The following GRM3 variants were observed in gnomAD, a reference collection of about 807,000 sequenced individuals.
The protein encoded by GRM3 is metabotropic glutamate receptor 3.
In GRM3, 26 loss-of-function variants were observed where a neutral mutation model predicts 70.5. The observed-to-expected ratio is 0.37, with a 90% CI of 0.27 to 0.51. The LOEUF (loss-of-function observed/expected upper bound fraction) is 0.51, where lower values mean the gene tolerates loss of function less well. Ranked by LOEUF, GRM3 falls within the 20% of genes least tolerant of loss-of-function variation. The pLI, the probability that GRM3 is intolerant of heterozygous loss-of-function variation, is 0.93. For synonymous variants in GRM3, 443 were observed against 434.9 expected (o/e 1.02, Z -0.23); for missense variants, 859 against 1,123.8 (o/e 0.76, Z 3.37).
At chr7:86,751,432 A>G (rs1796228497) in intron 1 of GRM3, among the ~76,000 whole-genome samples, 2 of 152,110 alleles carry the variant, frequency 1.3e-5, no homozygotes, top group South Asian at 4.1e-4. Flanking sequence ...TATCTTTAGA[A>G]CCTACCACAG....
At chr7:86,705,174 A>G (rs963087179) in intron 1 of GRM3, among the ~76,000 whole-genome samples, 3 of 151,970 alleles carry the variant, frequency 2.0e-5, no homozygotes, top group African/African-American at 4.8e-5. Context: ...AACTATTCCA[A>G]TGAGACATTC....
intron 5 of GRM3, among the ~76,000 whole-genome samples, chr7:86,851,210 T>A (rs1320911075): frequency 4.6e-5 from 7 of 152,182 alleles, no homozygotes. Context: ...TGGAAAATGC[T>A]GGAATAGATC....
At chr7:86,810,919 A>T (rs1312660696) in intron 3 of GRM3, among the ~76,000 whole-genome samples, 2 of 151,954 alleles carry the variant, frequency 1.3e-5, no homozygotes, top group Non-Finnish European at 1.5e-5. Context: ...TCACTAAATC[A>T]CCATGGATCA....
chr7:86,719,480 C>T (rs1221906847), intron 1 of GRM3, among the ~76,000 whole-genome samples: 1 of 151,906 alleles, frequency 6.6e-6, no homozygotes, highest in East Asian at 1.9e-4. Flanking sequence ...AATTATTGTG[C>T]AATGTAATAA....
intron 2 of GRM3, among the ~76,000 whole-genome samples, chr7:86,779,427 C>G (rs1011225460): frequency 2.0e-5 from 3 of 151,848 alleles, no homozygotes. Flanking sequence ...CGTGCGCACA[C>G]ACACACACAC....
chr7:86,743,316 C>G (rs1324910150), intron 1 of GRM3, among the ~76,000 whole-genome samples: 1 of 152,008 alleles, frequency 6.6e-6, no homozygotes, highest in Non-Finnish European at 1.5e-5. Flanking sequence ...AGCTATATCC[C>G]ATGATATCAC....
chr7:86,811,136 A>G (rs1387824814), intron 3 of GRM3, among the ~76,000 whole-genome samples: 2 of 151,986 alleles, frequency 1.3e-5, no homozygotes, highest in African/African-American at 4.8e-5. Flanking sequence ...AACTGAAAGC[A>G]ACTCATGTGA....
At chr7:86,763,646 T>C (rs1796532592) in intron 1 of GRM3, among the ~76,000 whole-genome samples, 1 of 152,126 alleles carries the variant, frequency 6.6e-6, no homozygotes, top group South Asian at 2.1e-4. Flanking sequence ...CAATTCACAG[T>C]AGCTACAGTC....
rs1793398555 is a variant in GRM3 at position 86,644,297 on chromosome 7, A to G, written c.-716A>G. The G allele has an allele frequency of 3.8e-6, 1 of 264,856 alleles. No individual in the cohort carries two copies. The highest frequency in any genetic ancestry group is 7.4e-6 in the Non-Finnish European group (1 of 135,436). The allele number at this position is 264,856 out of a possible 1,614,324, so 16.4% of individuals were successfully genotyped here. A position where few individuals can be genotyped will look rare whatever the true frequency, so the allele number is the denominator to read the frequency against. ...AAGACTCTGCAGATATACCCTTATA[A>G]GAGGGAGGGTGGGGGAGGGAAAAGA... On this transcript the variant is annotated 5_prime_UTR_variant, in exon 1 of 6. Transcript: ENST00000361669.
chr7:86,765,044 A>G lies in GRM3; in HGVS notation c.-102A>G. 6.7e-7 allele frequency: 1 copy of G among 1,492,912 alleles called. No individual in the cohort carries two copies. The highest frequency in any genetic ancestry group is 8.9e-7 in the Non-Finnish European group (1 of 1,129,664). 92.5% of individuals were successfully genotyped at this position (1,492,912 alleles called of 1,614,324 possible). A position where few individuals can be genotyped will look rare whatever the true frequency, so the allele number is the denominator to read the frequency against. On this transcript the variant is annotated 5_prime_UTR_variant, in exon 2 of 6. Transcript: ENST00000361669. ...GGCTCTGTTAGTCTGTTCCTCCCTT[A>G]TTTGAAGGACAGGCCAAAGATCCAG...
At chr7:86,763,525 A>G (rs1247032947) in intron 1 of GRM3, among the ~76,000 whole-genome samples, 1 of 152,152 alleles carries the variant, frequency 6.6e-6, no homozygotes, top group African/African-American at 2.4e-5. Context: ...GAGTTTTGGA[A>G]AGCTCTCTAG....
At chr7:86,785,502 C>G (rs866463274) in intron 2 of GRM3, among the ~76,000 whole-genome samples, 53 of 132,462 alleles carry the variant, frequency 4.0e-4, no homozygotes, top group Middle Eastern at 7.9e-3. Flanking sequence ...GTCCTCAATA[C>G]CTTTTAATTT....
intron 1 of GRM3, among the ~76,000 whole-genome samples, chr7:86,740,610 TAAGA>T (rs1795963916): frequency 6.6e-6 from 1 of 152,160 alleles, no homozygotes; most frequent in Non-Finnish European, 1.5e-5. Flanking sequence ...TAAAAATCCA[TAAGA>T]AATTCTCAAG....
At chr7:86,704,457 A>T (rs1237587560) in intron 1 of GRM3, among the ~76,000 whole-genome samples, 1 of 151,938 alleles carries the variant, frequency 6.6e-6, no homozygotes, top group Non-Finnish European at 1.5e-5. Context: ...TTTTACTATG[A>T]ACAAAAACAT....
rs1328282029 is a variant in GRM3, at chr7:86,725,795, T to C, written c.-140-39211T>C. Among the ~76,000 whole-genome samples the C allele has an allele frequency of 3.3e-5, 5 of 152,084 alleles. No homozygotes were observed. In the East Asian group the frequency reaches 9.6e-4, roughly 29 times the overall value. ...AAGACTGGGGAGTCCAAGAATAAGG[T>C]ACCAGCCAATTAAAGTTCTTATAAG... is the stretch of plus-strand genomic sequence containing the variant. On this transcript the variant is annotated intron_variant, in intron 1 of 5. Coordinates refer to ENST00000361669, the MANE Select transcript of GRM3 (RefSeq NM_000840.3).
intron 1 of GRM3, among the ~76,000 whole-genome samples, chr7:86,739,307 A>T (rs997749712): frequency 6.6e-6 from 1 of 152,038 alleles, no homozygotes; most frequent in African/African-American, 2.4e-5. Context: ...TATTCCTTCT[A>T]CCTAACTGAA....
intron 1 of GRM3, among the ~76,000 whole-genome samples, chr7:86,715,966 G>T (rs1795304367): frequency 6.6e-6 from 1 of 151,988 alleles, no homozygotes; most frequent in Admixed American, 6.6e-5. Context: ...CTTTAGGAAA[G>T]AACTCACCTG....
chr7:86,704,180 G>A (rs1483002423), intron 1 of GRM3, among the ~76,000 whole-genome samples: 1 of 151,840 alleles, frequency 6.6e-6, no homozygotes, highest in Non-Finnish European at 1.5e-5. Flanking sequence ...AAAAGTACTA[G>A]CGTTTTTCTC....
chr7:86,689,501 A>G (rs972943366), intron 1 of GRM3, among the ~76,000 whole-genome samples: 1 of 152,206 alleles, frequency 6.6e-6, no homozygotes, highest in Non-Finnish European at 1.5e-5. Flanking sequence ...TATTCTCAAG[A>G]AAGTGTTTCC....
Sources: gnomAD v4.1 joint callset for allele counts (sites outside exome capture counted in the v4.1 genomes callset) on GRCh38, gnomAD v4.1.1 for gene constraint, MANE v1.5 for transcripts, NCBI Gene and HGNC (gene_info 2026-07-23, HGNC 2026-07-21) for gene names.